Variants in STXBP5L observed in about 807,000 individuals in gnomAD.
STXBP5L encodes the protein syntaxin-binding protein 5-like.
Under a neutral mutation model 144.5 loss-of-function variants are expected in STXBP5L, and 65 were observed. The observed-to-expected ratio is 0.45, with a 90% confidence interval of 0.37 to 0.55. The LOEUF is 0.55. STXBP5L is among the 20% of genes least tolerant of loss of function. The pLI is 0.00. For missense variants in STXBP5L, 1,298 were observed against 1,405.5 expected (o/e 0.92, Z 1.22); for synonymous variants, 505 against 469.6 (o/e 1.08, Z -0.97).
chr3:121,208,175 C>T (rs896738334), intron 10 of STXBP5L, among the ~76,000 whole-genome samples: 50 of 152,146 alleles, frequency 3.3e-4, no homozygotes, highest in Middle Eastern at 6.8e-3. Context: ...GAGTTCATGT[C>T]CTTTGTAGGG....
intron 9 of STXBP5L, among the ~76,000 whole-genome samples, chr3:121,187,648 A>G (rs1477979955): frequency 6.6e-6 from 1 of 152,134 alleles, no homozygotes; most frequent in East Asian, 1.9e-4. Flanking sequence ...AGGCAAAATA[A>G]TCAGCTAGCA....
intron 2 of STXBP5L, among the ~76,000 whole-genome samples, chr3:120,912,703 G>A (rs568049503): frequency 6.6e-6 from 1 of 151,800 alleles, no homozygotes; most frequent in African/African-American, 2.4e-5. Context: ...CATTGTCCAG[G>A]TATTTGTGAA....
intron 20 of STXBP5L, among the ~76,000 whole-genome samples, chr3:121,368,350 C>CT (rs2045928380): frequency 6.6e-6 from 1 of 151,926 alleles, no homozygotes; most frequent in Admixed American, 6.6e-5. Flanking sequence ...TATCTCTTTA[C>CT]TGATATTTAT....
chr3:121,379,221 CTGTAGATA>C (rs1381625151), intron 21 of STXBP5L, among the ~76,000 whole-genome samples: 2 of 152,118 alleles, frequency 1.3e-5, no homozygotes, highest in East Asian at 3.8e-4. Context: ...GTGTCTCTAT[CTGTAGATA>C]TTTAATGTAT....
intron 11 of STXBP5L, among the ~76,000 whole-genome samples, chr3:121,225,107 C>T (rs1406730823): frequency 6.6e-6 from 1 of 152,078 alleles, no homozygotes; most frequent in East Asian, 1.9e-4. Flanking sequence ...AGGAGATGTA[C>T]TTTAACTCTA....
At chr3:121,204,571 A>T (rs2108226445) in intron 9 of STXBP5L, among the ~76,000 whole-genome samples, 1 of 152,268 alleles carries the variant, frequency 6.6e-6, no homozygotes, top group African/African-American at 2.4e-5. Context: ...TAATCTGAAA[A>T]TTTAAAGCTA....
intron 19 of STXBP5L, among the ~76,000 whole-genome samples, chr3:121,287,785 C>T (rs887941551): frequency 4.6e-5 from 7 of 151,600 alleles, no homozygotes; most frequent in East Asian, 1.9e-4. Flanking sequence ...GCCGAGATCG[C>T]GCCACTGCAC....
At chr3:121,262,504 C>A (rs1323571618) in intron 18 of STXBP5L, among the ~76,000 whole-genome samples, 3 of 152,122 alleles carry the variant, frequency 2.0e-5, no homozygotes, top group Non-Finnish European at 4.4e-5. Flanking sequence ...ATGGCACGTG[C>A]CTGTAATCCC....
At chr3:120,911,934 T>C (rs1311301225) in intron 2 of STXBP5L, among the ~76,000 whole-genome samples, 1 of 151,972 alleles carries the variant, frequency 6.6e-6, no homozygotes, top group East Asian at 1.9e-4. Context: ...CCTGATTAAA[T>C]GTGCAAAAAA....
intron 5 of STXBP5L, among the ~76,000 whole-genome samples, chr3:121,066,379 T>C (rs146720042): frequency 6.9e-4 from 102 of 147,756 alleles, no homozygotes; most frequent in Non-Finnish European, 1.2e-3. Flanking sequence ...TATATATATA[T>C]ACGCTTATAG....
intron 6 of STXBP5L, among the ~76,000 whole-genome samples, chr3:121,120,007 T>C (rs1157128586): frequency 1.3e-5 from 2 of 151,314 alleles, no homozygotes; most frequent in Non-Finnish European, 3.0e-5. Flanking sequence ...ATTAATATGA[T>C]CAATGAAAAA....
intron 3 of STXBP5L, among the ~76,000 whole-genome samples, chr3:120,996,514 A>G (rs1233618217): frequency 6.6e-6 from 1 of 152,140 alleles, no homozygotes; most frequent in African/African-American, 2.4e-5. Context: ...TATACAACAC[A>G]GTATTAGTAG....
chr3:121,384,165 C>T (rs1460110791), intron 22 of STXBP5L, among the ~76,000 whole-genome samples: 1 of 151,882 alleles, frequency 6.6e-6, no homozygotes, highest in Non-Finnish European at 1.5e-5. Context: ...TACAGTGGTC[C>T]CTGTTTTCGG....
chr3:121,128,728 G>A (rs538318697), intron 7 of STXBP5L, among the ~76,000 whole-genome samples: 1 of 151,958 alleles, frequency 6.6e-6, no homozygotes, highest in Non-Finnish European at 1.5e-5. Context: ...AAATAAGGTG[G>A]GAAGCTGACT....
chr3:121,329,813 T>C (rs2044266183), intron 20 of STXBP5L, among the ~76,000 whole-genome samples: 1 of 152,120 alleles, frequency 6.6e-6, no homozygotes, highest in Non-Finnish European at 1.5e-5. Context: ...TGAGCCGATA[T>C]TGCACCACTG....
intron 3 of STXBP5L, among the ~76,000 whole-genome samples, chr3:121,020,002 C>T (rs1012435189): frequency 6.6e-6 from 1 of 152,002 alleles, no homozygotes; most frequent in Non-Finnish European, 1.5e-5. Flanking sequence ...AAGGTGAAGT[C>T]CAACTTAACG....
chr3:121,229,705 G>A (rs2049240689), intron 11 of STXBP5L, among the ~76,000 whole-genome samples: 1 of 152,038 alleles, frequency 6.6e-6, no homozygotes. Context: ...CCAAGTGTAT[G>A]TCACCATACC....
chr3:121,099,928 A>T (rs1284821630), intron 5 of STXBP5L, among the ~76,000 whole-genome samples: 1 of 152,198 alleles, frequency 6.6e-6, no homozygotes, highest in East Asian at 1.9e-4. Context: ...ACACAAATCG[A>T]AAACAAAAAA....
intron 9 of STXBP5L, among the ~76,000 whole-genome samples, chr3:121,184,491 A>G (rs1559836469): frequency 6.6e-6 from 1 of 151,962 alleles, no homozygotes; most frequent in East Asian, 2.0e-4. Flanking sequence ...TTAATGAAAT[A>G]AAGTGTGAAG....
Sources: gnomAD v4.1 joint callset for allele counts (sites outside exome capture counted in the v4.1 genomes callset) on GRCh38, gnomAD v4.1.1 for gene constraint, MANE v1.5 for transcripts, NCBI Gene and HGNC (gene_info 2026-07-23, HGNC 2026-07-21) for gene names.